Variants in IL19 observed in about 807,000 individuals in gnomAD.
IL19 encodes interleukin 19, also known as interleukin-19.
IL19 carries 15 observed loss-of-function variants against 19.5 expected under a neutral mutation model. The ratio of observed to expected loss-of-function variants is 0.77; its 90% CI spans 0.52 to 1.19. The LOEUF is 1.19. Ranked by LOEUF, IL19 falls within the 50% of genes most tolerant of loss-of-function variation. The pLI, the probability that IL19 is intolerant of heterozygous loss-of-function variation, is 0.00. For missense variants in IL19, 199 were observed against 213.1 expected (o/e 0.93, Z 0.41); for synonymous variants, 78 against 78.3 (o/e 1.00, Z 0.02).
At chr1:206,808,720 A>G (rs1490880465) in intron 2 of IL19, among the ~76,000 whole-genome samples, 1 of 152,220 alleles carries the variant, frequency 6.6e-6, no homozygotes, top group East Asian at 1.9e-4. Flanking sequence ...CATCCACCTT[A>G]GAGGGGCTTG....
intron 1 of IL19, among the ~76,000 whole-genome samples, chr1:206,779,856 C>CTTTT (rs386369445): frequency 9.6e-5 from 14 of 145,536 alleles, no homozygotes; most frequent in Admixed American, 9.6e-4. Context: ...CTCTCTCTCT[C>CTTTT]TTTTTTTTTT....
chr1:206,773,380 C>T (rs1674910126), intron 1 of IL19, among the ~76,000 whole-genome samples: 2 of 152,126 alleles, frequency 1.3e-5, no homozygotes, highest in Non-Finnish European at 2.9e-5. Context: ...TAGAATGAAA[C>T]CTTGGATTAA....
chr1:206,793,016 A>G (rs1424676922), intron 1 of IL19, among the ~76,000 whole-genome samples: 1 of 152,168 alleles, frequency 6.6e-6, no homozygotes, highest in Non-Finnish European at 1.5e-5. Flanking sequence ...TGCCCCAAGA[A>G]TGGTTTGCAT....
At chr1:206,790,075 G>A (rs1484218633) in intron 1 of IL19, among the ~76,000 whole-genome samples, 1 of 152,106 alleles carries the variant, frequency 6.6e-6, no homozygotes, top group African/African-American at 2.4e-5. Context: ...GCAGGATTGA[G>A]TGGTAAATGT....
chr1:206,833,078 G>A (rs1043910123), intron 2 of IL19, among the ~76,000 whole-genome samples: 3 of 152,250 alleles, frequency 2.0e-5, no homozygotes, highest in African/African-American at 7.2e-5. Context: ...TATTCTGGGA[G>A]TCTGTGTTTG....
chr1:206,840,937 A>G, intron 5 of IL19, 67 bp from the exon 6 acceptor site: 1 of 1,257,248 alleles, frequency 8.0e-7, no homozygotes, highest in Non-Finnish European at 1.2e-6. Flanking sequence ...TCATGTGGGG[A>G]GGCAGGAGTA....
chr1:206,839,721 C>T, intron 4 of IL19, 129 bp from the exon 5 acceptor site: 1 of 764,786 alleles, frequency 1.3e-6, no homozygotes. Flanking sequence ...CACTCTGAGA[C>T]CATTACGAAT....
intron 1 of IL19, among the ~76,000 whole-genome samples, chr1:206,778,271 T>C (rs192567117): frequency 6.4e-4 from 97 of 152,292 alleles, no homozygotes; most frequent in African/African-American, 2.3e-3. Context: ...GGATTTTCCT[T>C]AGGGGATGGA....
chr1:206,771,557 A>G lies in IL19; in HGVS notation c.-149+479A>G, dbSNP rs888460473. 4.2e-6 allele frequency: 3 copies of G among 720,420 alleles called. No individual in the cohort carries two copies. In the Admixed American group the frequency reaches 6.2e-5, roughly 15 times the overall value. 44.6% of individuals were successfully genotyped at this position (720,420 alleles called of 1,614,324 possible). A position where few individuals can be genotyped will look rare whatever the true frequency, so the allele number is the denominator to read the frequency against. Reference sequence around the variant, plus strand: ...CAAAAAAATCAAAAGGGGAGTTTTAAAAACAGAGGATTCAACAGTGATGGG... The same window carrying G: ...CAAAAAAATCAAAAGGGGAGTTTTAGAAACAGAGGATTCAACAGTGATGGG... On this transcript the variant is annotated intron_variant, in intron 1 of 6. Transcript: ENST00000659997.
At chr1:206,801,746 A>G (rs1412313873) in intron 2 of IL19, among the ~76,000 whole-genome samples, 1 of 152,130 alleles carries the variant, frequency 6.6e-6, no homozygotes, top group East Asian at 1.9e-4. Context: ...TATTGTTCTT[A>G]TGTTCTTAAG....
intron 2 of IL19, among the ~76,000 whole-genome samples, chr1:206,814,855 A>T (rs1247837957): frequency 6.6e-6 from 1 of 152,176 alleles, no homozygotes; most frequent in Non-Finnish European, 1.5e-5. Flanking sequence ...CAAATAGAAG[A>T]TTAGAAGTTA....
intron 2 of IL19, among the ~76,000 whole-genome samples, chr1:206,810,259 G>C (rs1675968501): frequency 6.6e-6 from 1 of 152,192 alleles, no homozygotes; most frequent in Non-Finnish European, 1.5e-5. Flanking sequence ...TGGGTTTAGT[G>C]AGCTAGCTCT....
chr1:206,771,673 C>T (rs1312635087), intron 1 of IL19, among the ~76,000 whole-genome samples: 2 of 152,170 alleles, frequency 1.3e-5, no homozygotes, highest in African/African-American at 4.8e-5. Flanking sequence ...TTGACTCAGT[C>T]CTGGTCTTCT....
chr1:206,816,305 AT>A (rs1189650262), intron 2 of IL19, among the ~76,000 whole-genome samples: 1 of 152,206 alleles, frequency 6.6e-6, no homozygotes, highest in Non-Finnish European at 1.5e-5. Context: ...AAAGATAATT[AT>A]TTTTAAAAAA....
chr1:206,813,219 C>A (rs995686454), intron 2 of IL19, among the ~76,000 whole-genome samples: 4 of 152,214 alleles, frequency 2.6e-5, no homozygotes, highest in African/African-American at 9.6e-5. Flanking sequence ...TCTGCATTGC[C>A]AGTTGGCTCT....
chr1:206,771,316 C>T (rs1288540337), intron 1 of IL19: 2 of 1,566,012 alleles, frequency 1.3e-6, no homozygotes, highest in African/African-American at 1.4e-5. Flanking sequence ...TTCCCTTAAT[C>T]ATGCTGCACA....
intron 1 of IL19, among the ~76,000 whole-genome samples, chr1:206,788,109 C>T (rs759822767): frequency 6.6e-6 from 1 of 152,180 alleles, no homozygotes; most frequent in Non-Finnish European, 1.5e-5. Flanking sequence ...TTCACGATCC[C>T]GGAGGTGGCT....
chr1:206,818,681 C>T (rs188640254), intron 2 of IL19, among the ~76,000 whole-genome samples: 237 of 152,272 alleles, frequency 1.6e-3, no homozygotes, highest in Non-Finnish European at 3.1e-3. Flanking sequence ...TCAAATTGTA[C>T]ACTTTCGTTA....
At chr1:206,826,478 A>T (rs1676435685) in intron 2 of IL19, among the ~76,000 whole-genome samples, 1 of 152,190 alleles carries the variant, frequency 6.6e-6, no homozygotes, top group Admixed American at 6.5e-5. Flanking sequence ...TGCAAGATGC[A>T]GTCCTCGTCC....
Sources: allele counts gnomAD v4.1 joint callset (sites outside exome capture counted in the v4.1 genomes callset), GRCh38; gene constraint gnomAD v4.1.1; transcripts MANE v1.5; gene names NCBI Gene and HGNC (gene_info 2026-07-23, HGNC 2026-07-21).